ARL3: variants seen among roughly 807,000 people sequenced by gnomAD.
The protein encoded by ARL3 is ARF like GTPase 3.
ARL3 carries 9 observed loss-of-function variants against 26.0 expected under a neutral mutation model. That is an observed-to-expected ratio of 0.35 (90% CI 0.21 to 0.60). The LOEUF is 0.60. Among genes scored for constraint, ARL3 ranks in the 20% least tolerant of loss-of-function variants. The pLI is 0.78. For synonymous variants in ARL3, 71 were observed against 78.4 expected, an observed-to-expected ratio of 0.91 and a Z score of 0.50; for missense variants, 158 against 215.7, an observed-to-expected ratio of 0.73 and a Z score of 1.67.
chr10:102,704,906 G>A (rs1454038453), intron 2 of ARL3, among the ~76,000 whole-genome samples: 1 of 152,150 alleles, frequency 6.6e-6, no homozygotes, highest in Non-Finnish European at 1.5e-5. Flanking sequence ...GCAGTGGGGT[G>A]GCCTGATGAA....
At chr10:102,705,189 T>A (rs952880938) in intron 2 of ARL3, among the ~76,000 whole-genome samples, 157 bp downstream of exon 2, 1 of 152,232 alleles carries the variant, frequency 6.6e-6, no homozygotes. Flanking sequence ...ATGGAATCTC[T>A]TACATATTTT....
At position 102,699,435 on chromosome 10, in the gene ARL3, T is replaced by G. The variant is rs2064266307; in HGVS notation, c.202A>C (p.Ile68Leu). Residue 68 changes from isoleucine to leucine, a missense_variant, in exon 3 of 6, where the codon ATT (isoleucine) becomes CTT (leucine). Ile to Leu is a conservative substitution (Grantham distance 5). Transcript: ENST00000260746. The part of the protein sequence containing the change: ...SQGFKLNVWD[I>L]GGQRKIRPYW... ...GGTCTGATTTTCCTCTGTCCACCAA[T>G]GTCCCATACATTCAGTTTAAAACCT... is the stretch of plus-strand genomic sequence containing the variant. 6.2e-7 allele frequency: 1 copy of G among 1,613,250 alleles called. No homozygotes were observed. Among genetic ancestry groups the G allele is most frequent in the African/African-American group, 1.3e-5 (1 of 74,918 alleles).
At chr10:102,689,248 C>T (rs538548370) in intron 4 of ARL3, among the ~76,000 whole-genome samples, 2 of 151,504 alleles carry the variant, frequency 1.3e-5, no homozygotes, top group Non-Finnish European at 1.5e-5. Flanking sequence ...TCACTTGAAC[C>T]TGGGAGGTTG....
chr10:102,680,327 T>C (rs916154716), intron 5 of ARL3, among the ~76,000 whole-genome samples: 13 of 152,170 alleles, frequency 8.5e-5, no homozygotes, highest in African/African-American at 3.1e-4. Flanking sequence ...ACGGTATGAA[T>C]AGTCCTCCCT....
chr10:102,692,888 G>C (rs1176236504), intron 3 of ARL3, among the ~76,000 whole-genome samples: 1 of 152,122 alleles, frequency 6.6e-6, no homozygotes, highest in Non-Finnish European at 1.5e-5. Flanking sequence ...AGTAGAGACA[G>C]GGTTTCACCG....
At chr10:102,712,538 T>C (rs1322176371) in intron 1 of ARL3, among the ~76,000 whole-genome samples, 1 of 152,220 alleles carries the variant, frequency 6.6e-6, no homozygotes, top group East Asian at 1.9e-4. Context: ...TATACAACAG[T>C]GTTGTATATA....
Position 102,710,621 on chromosome 10 carries a change from T to C in ARL3, c.3+3652A>G, listed in dbSNP as rs533127034. On this transcript the variant is annotated intron_variant, in intron 1 of 5. Transcript: ENST00000260746. The stretch of plus-strand genomic sequence containing the variant: ...CCTTAATGTGCCCCAAGTACAACAG[T>C]GAGCAAAACGGGCATGATCTCTATG... Among the ~76,000 whole-genome samples, 4 of 152,294 alleles carry C rather than the reference T, an allele frequency of 2.6e-5. No homozygotes were observed. The South Asian group carries it at 6.2e-4, about 24-fold the overall frequency.
Position 102,676,253 on chromosome 10 carries a change from CAAGA to C in ARL3, c.*637_*640del, listed in dbSNP as rs966586763. 1.5e-5 allele frequency: 2 copies of C among 130,990 alleles called. No homozygotes were observed. Among genetic ancestry groups the C allele is most frequent in the African/African-American group, 5.5e-5 (2 of 36,354 alleles). The allele number at this position is 130,990 out of a possible 1,614,324, so 8.1% of individuals were successfully genotyped here. On this transcript the variant is annotated 3_prime_UTR_variant, in exon 6 of 6. Coordinates refer to ENST00000260746, the MANE Select transcript of ARL3 (RefSeq NM_004311.4). ...GTATGTTTCTGTAGTGACTTGTCTG[CAAGA>C]AAGACTTTTTTTTTTTTTTCTGTCC...
intron 1 of ARL3, among the ~76,000 whole-genome samples, chr10:102,713,819 G>A (rs1339956491): frequency 6.6e-6 from 1 of 152,216 alleles, no homozygotes; most frequent in East Asian, 1.9e-4. Context: ...CCGCCAGGGC[G>A]ACCTCAGAGC....
rs1205439769 is a variant in ARL3, at chr10:102,675,531, CAG to C, written c.*1361_*1362del. The C allele has an allele frequency of 1.3e-5, 2 of 152,346 alleles. No individual in the cohort carries two copies. The highest frequency in any genetic ancestry group is 3.9e-4 in the East Asian group (2 of 5,182). 9.4% of individuals were successfully genotyped at this position (152,346 alleles called of 1,614,324 possible). ...AAACCCCTGAGCTCAGGCACCAGAA[CAG>C]AGTTTAATTCAGGAGCCGGGCAATG... On this transcript the variant is annotated 3_prime_UTR_variant, in exon 6 of 6. Transcript: ENST00000260746.
intron 3 of ARL3, among the ~76,000 whole-genome samples, 169 bp from the exon 4 acceptor site, chr10:102,690,112 C>T (rs1231717388): frequency 6.6e-6 from 1 of 151,988 alleles, no homozygotes; most frequent in African/African-American, 2.4e-5. Context: ...AACAAATACA[C>T]AAATTAATTA....
chr10:102,708,237 A>AT (rs1009358010), intron 1 of ARL3, among the ~76,000 whole-genome samples: 1 of 152,050 alleles, frequency 6.6e-6, no homozygotes, highest in Non-Finnish European at 1.5e-5. Context: ...TCTTAAAACT[A>AT]TATTTACAAG....
At chr10:102,683,437 C>T (rs549035330) in intron 5 of ARL3, among the ~76,000 whole-genome samples, 81 of 152,122 alleles carry the variant, frequency 5.3e-4, no homozygotes, top group Non-Finnish European at 4.3e-4. Context: ...TTCTATACAC[C>T]ATGGTACTAT....
chr10:102,703,425 CTTTTTTTT>C (rs57721161), intron 2 of ARL3, among the ~76,000 whole-genome samples: 3 of 48,486 alleles, frequency 6.2e-5, no homozygotes, highest in Non-Finnish European at 7.5e-5. Context: ...CAGGACTTGT[CTTTTTTTT>C]TTTTTTTTTT....
At position 102,686,807 on chromosome 10, in the gene ARL3, C is replaced by T. The variant is rs554350155; in HGVS notation, c.316-806G>A. On this transcript the variant is annotated intron_variant, in intron 4 of 5. Coordinates refer to ENST00000260746, the MANE Select transcript of ARL3 (RefSeq NM_004311.4). ...CTGTATAAGATTCCCCTGGCAGATT[C>T]CTGGGCCCAACCCAGAGATGCTGAC... Among the ~76,000 whole-genome samples the T allele has an allele frequency of 1.0e-4, 15 of 150,518 alleles. No homozygotes were observed. In the East Asian group the frequency reaches 2.6e-3, roughly 26 times the overall value.
intron 1 of ARL3, among the ~76,000 whole-genome samples, chr10:102,710,231 A>G (rs1476894666): frequency 6.6e-6 from 1 of 152,242 alleles, no homozygotes; most frequent in Non-Finnish European, 1.5e-5. Context: ...CATTTCAAGC[A>G]TGGTCTAGGG....
At chr10:102,687,811 G>A (rs1307583035) in intron 4 of ARL3, among the ~76,000 whole-genome samples, 1 of 152,156 alleles carries the variant, frequency 6.6e-6, no homozygotes, top group African/African-American at 2.4e-5. Context: ...ATAGCGATGA[G>A]CCATCACACC....
At chr10:102,709,956 C>T (rs1590129703) in intron 1 of ARL3, among the ~76,000 whole-genome samples, 1 of 151,920 alleles carries the variant, frequency 6.6e-6, no homozygotes, top group African/African-American at 2.4e-5. Context: ...ATCGCTTGAA[C>T]CTGCGAGGTG....
intron 4 of ARL3, 31 bp from the exon 5 acceptor site, chr10:102,686,032 G>C: frequency 4.5e-6 from 7 of 1,546,764 alleles, no homozygotes; most frequent in African/African-American, 1.4e-5. Flanking sequence ...GGGAGGGAAG[G>C]TTAAAATCTA....
Sources: allele counts gnomAD v4.1 joint callset (sites outside exome capture counted in the v4.1 genomes callset), GRCh38; gene constraint gnomAD v4.1.1; transcripts MANE v1.5; gene names NCBI Gene and HGNC (gene_info 2026-07-23, HGNC 2026-07-21).